The following FBXL17 variants were observed in gnomAD, a reference collection of about 807,000 sequenced individuals.
FBXL17 encodes the protein F-box/LRR-repeat protein 17.
FBXL17 carries 22 observed loss-of-function variants against 66.2 expected under a neutral mutation model. The observed-to-expected ratio is 0.33, with a 90% confidence interval of 0.24 to 0.47. The LOEUF (loss-of-function observed/expected upper bound fraction) is 0.47, where lower values mean the gene tolerates loss of function less well. FBXL17 is among the 20% of genes least tolerant of loss of function. The probability of loss-of-function intolerance (pLI) is 1.00; values close to 1 mark genes in which losing one functional copy is unlikely to be tolerated. For synonymous variants in FBXL17, 474 were observed against 400.5 expected (o/e 1.18, Z -2.19); for missense variants, 878 against 948.2 (o/e 0.93, Z 0.97).
intron 7 of FBXL17, among the ~76,000 whole-genome samples, chr5:107,909,072 G>A (rs1580703534): frequency 6.6e-6 from 1 of 152,132 alleles, no homozygotes. Flanking sequence ...ATAAATAGAT[G>A]TTTAGAGCAA....
intron 6 of FBXL17, among the ~76,000 whole-genome samples, chr5:108,046,104 C>T (rs1747245135): frequency 1.3e-5 from 2 of 152,142 alleles, no homozygotes; most frequent in African/African-American, 4.8e-5. Context: ...TTCAATTTTA[C>T]CAGTTTTTGC....
Position 108,283,987 on chromosome 5 carries a change from A to T in FBXL17, c.1507-59759T>A, listed in dbSNP as rs565800812. ...AAATGCAAAGCAAAACTGCGATGAG[A>T]TGTCATCTTACTCCAGGCAAAATAG... On this transcript the variant is annotated intron_variant, in intron 4 of 8. Coordinates refer to ENST00000542267, the MANE Select transcript of FBXL17 (RefSeq NM_001163315.3). Among the ~76,000 whole-genome samples, 6 of 152,152 alleles carry T rather than the reference A, an allele frequency of 3.9e-5. No individual in the cohort carries two copies. The East Asian group carries it at 1.2e-3, about 29-fold the overall frequency.
intron 8 of FBXL17, among the ~76,000 whole-genome samples, chr5:107,871,408 T>C (rs1748449478): frequency 1.3e-5 from 2 of 152,202 alleles, no homozygotes; most frequent in South Asian, 2.1e-4. Flanking sequence ...CTTGCTAACC[T>C]GAAGCCTCTA....
chr5:108,048,632 A>G (rs763334250), intron 6 of FBXL17, among the ~76,000 whole-genome samples: 2 of 152,226 alleles, frequency 1.3e-5, no homozygotes, highest in Admixed American at 6.5e-5. Flanking sequence ...TGGAGCTGAA[A>G]AACACAGCAT....
At chr5:108,337,305 G>C (rs2150250093) in intron 4 of FBXL17, among the ~76,000 whole-genome samples, 1 of 150,042 alleles carries the variant, frequency 6.7e-6, no homozygotes, top group South Asian at 2.1e-4. Context: ...AAGGACTTAA[G>C]TATATCAATG....
At chr5:108,090,433 C>G (rs1749144802) in intron 6 of FBXL17, among the ~76,000 whole-genome samples, 1 of 152,102 alleles carries the variant, frequency 6.6e-6, no homozygotes, top group Admixed American at 6.6e-5. Flanking sequence ...ATGGTCCCCC[C>G]TTTTTTTCCA....
chr5:107,871,069 A>AAAAAAAAAAAAAAAAAAAAAAAAAAAC lies in FBXL17; in HGVS notation c.1966-9210_1966-9209insGTTTTTTTTTTTTTTTTTTTTTTTTTT, dbSNP rs1456052737. Among the ~76,000 whole-genome samples, 66 of 130,094 alleles carry AAAAAAAAAAAAAAAAAAAAAAAAAAAC rather than the reference A, an allele frequency of 5.1e-4. 3 individuals are homozygous for AAAAAAAAAAAAAAAAAAAAAAAAAAAC. The highest frequency in any genetic ancestry group is 8.3e-4 in the East Asian group (4 of 4,832). 85.3% of individuals were successfully genotyped at this position (130,094 alleles called of 152,430 possible). On this transcript the variant is annotated intron_variant, in intron 8 of 8. Transcript: ENST00000542267. ...TACTCTTGGGCGGCAAAAAAAAAAA[A>AAAAAAAAAAAAAAAAAAAAAAAAAAAC]AAAAAAAAAACCTCATCTAAAAATC... is the stretch of plus-strand genomic sequence containing the variant.
chr5:107,882,481 TAGAG>T (rs751384477), intron 7 of FBXL17, among the ~76,000 whole-genome samples: 2 of 152,164 alleles, frequency 1.3e-5, no homozygotes, highest in Non-Finnish European at 2.9e-5. Flanking sequence ...GAAAATACAA[TAGAG>T]AGACAATTTT....
chr5:107,894,452 CA>C (rs1290631128), intron 7 of FBXL17, among the ~76,000 whole-genome samples: 2 of 152,126 alleles, frequency 1.3e-5, no homozygotes, highest in African/African-American at 4.8e-5. Flanking sequence ...TGCCTGACAT[CA>C]ATTCTCATTT....
chr5:108,177,448 G>A (rs1448123200), intron 6 of FBXL17, among the ~76,000 whole-genome samples: 2 of 152,162 alleles, frequency 1.3e-5, no homozygotes, highest in East Asian at 3.9e-4. Flanking sequence ...ACCATGTTCA[G>A]AATGATCAAC....
intron 7 of FBXL17, among the ~76,000 whole-genome samples, chr5:108,014,945 A>T (rs149496503): frequency 4.6e-5 from 7 of 152,272 alleles, no homozygotes; most frequent in African/African-American, 1.7e-4. Context: ...ATCTCGTGAG[A>T]CTTATTCACT....
intron 4 of FBXL17, among the ~76,000 whole-genome samples, chr5:108,287,964 C>T (rs1757963457): frequency 6.6e-6 from 1 of 151,918 alleles, no homozygotes; most frequent in Non-Finnish European, 1.5e-5. Context: ...TCCTTTGCAG[C>T]AACATGGATG....
intron 7 of FBXL17, among the ~76,000 whole-genome samples, chr5:107,947,219 G>A (rs977193411): frequency 1.3e-5 from 2 of 152,220 alleles, no homozygotes; most frequent in South Asian, 2.1e-4. Context: ...CAATGGAGAC[G>A]ATTTCAAGGT....
At chr5:108,227,704 A>C (rs75783517) in intron 4 of FBXL17, among the ~76,000 whole-genome samples, 1 of 152,352 alleles carries the variant, frequency 6.6e-6, no homozygotes, top group East Asian at 1.9e-4. Flanking sequence ...TCTATGGTAC[A>C]TGTGATAAAA....
At chr5:108,295,955 A>G (rs2150170027) in intron 4 of FBXL17, among the ~76,000 whole-genome samples, 1 of 139,994 alleles carries the variant, frequency 7.1e-6, no homozygotes, top group East Asian at 2.0e-4. Flanking sequence ...TAGGAAAATT[A>G]AACAAAACCA....
chr5:107,934,525 A>G lies in FBXL17; in HGVS notation c.1823-53346T>C, dbSNP rs553323741. Among the ~76,000 whole-genome samples the G allele has an allele frequency of 3.9e-5, 6 of 152,282 alleles. No individual in the cohort carries two copies. The South Asian group carries it at 1.0e-3, about 26-fold the overall frequency. On this transcript the variant is annotated intron_variant, in intron 7 of 8. Transcript: ENST00000542267. ...ACCAAAGGTGTTTTTTCTTTTTAAA[A>G]CTAGAAGTACACTCCCAACTTTAAA...
intron 6 of FBXL17, among the ~76,000 whole-genome samples, chr5:108,113,337 T>G (rs978203317): frequency 2.0e-5 from 3 of 152,170 alleles, no homozygotes; most frequent in African/African-American, 7.2e-5. Context: ...CCTTTAAATC[T>G]AATATGCAAG....
chr5:108,242,669 T>C (rs1755913372), intron 4 of FBXL17, among the ~76,000 whole-genome samples: 1 of 152,204 alleles, frequency 6.6e-6, no homozygotes, highest in Non-Finnish European at 1.5e-5. Context: ...AAACCTCCAT[T>C]TAACAGTCTT....
intron 6 of FBXL17, among the ~76,000 whole-genome samples, chr5:108,121,643 G>A (rs909461265): frequency 2.6e-5 from 4 of 151,654 alleles, no homozygotes; most frequent in Admixed American, 2.6e-4. Context: ...TGCAAGCTCC[G>A]TCTCCAGGGA....
Sources: gnomAD v4.1 joint callset for allele counts (sites outside exome capture counted in the v4.1 genomes callset) on GRCh38, gnomAD v4.1.1 for gene constraint, MANE v1.5 for transcripts, NCBI Gene and HGNC (gene_info 2026-07-23, HGNC 2026-07-21) for gene names.